The following SLC35F3 variants were observed in gnomAD, a reference collection of about 807,000 sequenced individuals.
SLC35F3 encodes solute carrier family 35 member F3.
In SLC35F3, 25 loss-of-function variants were observed where a neutral mutation model predicts 49.9. That is an observed-to-expected ratio of 0.50 (90% CI 0.37 to 0.70). SLC35F3 has a LOEUF of 0.70. Ranked by LOEUF, SLC35F3 falls within the 30% of genes least tolerant of loss-of-function variation. The pLI is 0.00. For synonymous variants in SLC35F3, 275 were observed against 265.4 expected, an observed-to-expected ratio of 1.04 and a Z score of -0.35; for missense variants, 525 against 639.8, an observed-to-expected ratio of 0.82 and a Z score of 1.94.
chr1:234,295,682 A>C (rs1215443927), intron 3 of SLC35F3, among the ~76,000 whole-genome samples: 1 of 152,232 alleles, frequency 6.6e-6, no homozygotes, highest in African/African-American at 2.4e-5. Context: ...TTAAACAATT[A>C]TTTGAAAATT....
chr1:234,302,660 C>T (rs1668711039), intron 3 of SLC35F3, among the ~76,000 whole-genome samples: 1 of 152,176 alleles, frequency 6.6e-6, no homozygotes, highest in Non-Finnish European at 1.5e-5. Flanking sequence ...GAGGAATAAG[C>T]CCAGGCTGCA....
intron 2 of SLC35F3, among the ~76,000 whole-genome samples, chr1:234,064,261 G>A (rs1369655307): frequency 6.6e-6 from 1 of 152,148 alleles, no homozygotes; most frequent in African/African-American, 2.4e-5. Context: ...TGTGTCTTGC[G>A]TGTGATCCTT....
At chr1:234,156,405 A>G (rs1666153764) in intron 2 of SLC35F3, among the ~76,000 whole-genome samples, 1 of 152,188 alleles carries the variant, frequency 6.6e-6, no homozygotes, top group South Asian at 2.1e-4. Flanking sequence ...ATGTACCCAA[A>G]AGCGATCATC....
rs1180320347 is a variant in SLC35F3, at chr1:233,957,589, T to C, written c.283+51831T>C. Among the ~76,000 whole-genome samples the C allele has an allele frequency of 6.6e-6, 1 of 151,998 alleles. No individual in the cohort carries two copies. The highest frequency in any genetic ancestry group is 1.5e-5 in the Non-Finnish European group (1 of 67,990). ...CAGCACTTTGGGAGGCCGAGGCAGG[T>C]GGATCACCTGAAGTCAGGAGTTCGA... On this transcript the variant is annotated intron_variant, in intron 2 of 7. Transcript: ENST00000366618. This position sits in a 1 kb window ranked among gnomAD's most constrained non-coding sequence, Gnocchi z 4.0.
Position 234,251,332 on chromosome 1 carries a change from G to A in SLC35F3, c.608+19591G>A, listed in dbSNP as rs145067958. ...AAAGTTTATGAAAGGAAAGTGCATG[G>A]TGAGTGGATGTATGATTTTCAATTA... is the stretch of plus-strand genomic sequence containing the variant. On this transcript the variant is annotated intron_variant, in intron 3 of 7. Transcript: ENST00000366618. Among the ~76,000 whole-genome samples, 10 of 152,158 alleles carry A rather than the reference G, an allele frequency of 6.6e-5. No individual in the cohort carries two copies. In the East Asian group the frequency reaches 7.7e-4, roughly 12 times the overall value.
chr1:234,264,993 G>A (rs1667958943), intron 3 of SLC35F3, among the ~76,000 whole-genome samples: 1 of 152,108 alleles, frequency 6.6e-6, no homozygotes, highest in Non-Finnish European at 1.5e-5. Flanking sequence ...CCTGAACTCT[G>A]AACAGTCCAG....
At chr1:234,153,079 A>G (rs1666099409) in intron 2 of SLC35F3, among the ~76,000 whole-genome samples, 1 of 152,216 alleles carries the variant, frequency 6.6e-6, no homozygotes, top group East Asian at 1.9e-4. Flanking sequence ...AAGTAAAGGA[A>G]GTGTCATCCT....
chr1:234,108,564 A>G (rs1665333511), intron 2 of SLC35F3, among the ~76,000 whole-genome samples: 1 of 110,612 alleles, frequency 9.0e-6, no homozygotes, highest in Non-Finnish European at 1.6e-5. Flanking sequence ...TATAAAAGAT[A>G]TATATTATTT....
At chr1:234,251,793 C>T (rs1029405562) in intron 3 of SLC35F3, among the ~76,000 whole-genome samples, 1 of 151,762 alleles carries the variant, frequency 6.6e-6, no homozygotes, top group Non-Finnish European at 1.5e-5. Context: ...CTGAAATAGA[C>T]CTAAATACAG....
rs1010827589 is a variant in SLC35F3, at chr1:234,155,407, T to G, written c.284-76010T>G. Among the ~76,000 whole-genome samples, 31 of 108,094 alleles carry G rather than the reference T, an allele frequency of 2.9e-4. No homozygotes were observed. In the East Asian group the frequency reaches 7.8e-3, roughly 27 times the overall value. The allele number at this position is 108,094 out of a possible 152,430, so 70.9% of individuals were successfully genotyped here. A position where few individuals can be genotyped will look rare whatever the true frequency, so the allele number is the denominator to read the frequency against. ...CTGCTATTCACCTGATTATTATTAT[T>G]ATTATTATTATTATTTTTGAGAGAC... On this transcript the variant is annotated intron_variant, in intron 2 of 7. Coordinates refer to ENST00000366618, the MANE Select transcript of SLC35F3 (RefSeq NM_173508.4).
In SLC35F3 at chr1:234,002,749, A is replaced by G. The variant is rs559969975; in HGVS notation, c.283+96991A>G. ...CCCACCCTTAAGGAGGGTTGCGTCT[A>G]CCTCCTTGAAGGTGGAGAGTCTACA... On this transcript the variant is annotated intron_variant, in intron 2 of 7. Transcript: ENST00000366618. Among the ~76,000 whole-genome samples the G allele has an allele frequency of 1.8e-4, 28 of 152,108 alleles. 1 individual carries two copies. The highest frequency in any genetic ancestry group is 3.2e-4 in the Non-Finnish European group (22 of 67,982).
chr1:234,292,603 C>T (rs557249492), intron 3 of SLC35F3, among the ~76,000 whole-genome samples: 1 of 152,308 alleles, frequency 6.6e-6, no homozygotes, highest in South Asian at 2.1e-4. Context: ...AGAATCCCAC[C>T]CATGGGTGTA....
chr1:234,297,020 G>C (rs1327958459), intron 3 of SLC35F3, among the ~76,000 whole-genome samples: 1 of 152,068 alleles, frequency 6.6e-6, no homozygotes, highest in Non-Finnish European at 1.5e-5. Context: ...CTCCAAAGAA[G>C]ACATACAAAT....
chr1:233,943,414 A>T (rs1355459226), intron 2 of SLC35F3, among the ~76,000 whole-genome samples: 1 of 152,252 alleles, frequency 6.6e-6, no homozygotes, highest in East Asian at 1.9e-4. Context: ...TGTTTTATTA[A>T]CAAGATGCAA....
rs867133555 is a variant in SLC35F3 at position 233,905,081 on chromosome 1, G to T, written c.4G>T (p.Gly2Trp). 1 of 1,563,932 alleles carries T rather than the reference G, an allele frequency of 6.4e-7. No individual in the cohort carries two copies. Among genetic ancestry groups the T allele is most frequent in the Non-Finnish European group, 8.7e-7 (1 of 1,152,910 alleles). M[G>W]IREFPSGAPR... Reference sequence around the variant, plus strand: ...CGGTCCCACTCTGTCTTTGCCTATGGGGATTCGAGAGTTTCCCAGCGGCGC... The same window carrying T: ...CGGTCCCACTCTGTCTTTGCCTATGTGGATTCGAGAGTTTCCCAGCGGCGC... Residue 2 changes from glycine (G) to tryptophan (W), a missense_variant, in exon 1 of 8, where the codon GGG becomes TGG. Gly to Trp is a radical substitution (Grantham distance 184). Transcript: ENST00000366618.
intron 2 of SLC35F3, among the ~76,000 whole-genome samples, chr1:233,954,511 G>A (rs1662662714): frequency 1.3e-5 from 2 of 152,218 alleles, no homozygotes; most frequent in Non-Finnish European, 2.9e-5. Flanking sequence ...TCACTCTAAT[G>A]TGAAAGCTCT....
intron 2 of SLC35F3, among the ~76,000 whole-genome samples, chr1:233,930,719 ATAGCT>A (rs1409166664): frequency 1.3e-5 from 2 of 152,262 alleles, no homozygotes; most frequent in Non-Finnish European, 2.9e-5. Flanking sequence ...CATGTTCATT[ATAGCT>A]TATTGTATAC....
At chr1:234,084,737 A>C (rs1366545792) in intron 2 of SLC35F3, among the ~76,000 whole-genome samples, 1 of 152,172 alleles carries the variant, frequency 6.6e-6, no homozygotes, top group Non-Finnish European at 1.5e-5. Flanking sequence ...GAGAATATCA[A>C]AGAAGTCAGG....
At chr1:234,204,069 T>C (rs1344998120) in intron 2 of SLC35F3, among the ~76,000 whole-genome samples, 1 of 152,190 alleles carries the variant, frequency 6.6e-6, no homozygotes. Context: ...AGCTGTCTTA[T>C]AATCTTTTGT....
Sources: allele counts gnomAD v4.1 joint callset (sites outside exome capture counted in the v4.1 genomes callset), GRCh38; gene constraint gnomAD v4.1.1; non-coding constraint Gnocchi (gnomAD v3.1); transcripts MANE v1.5; gene names NCBI Gene and HGNC (gene_info 2026-07-23, HGNC 2026-07-21).